The following GPC5 variants were observed in gnomAD, a reference collection of about 807,000 sequenced individuals.
The protein encoded by GPC5 is glypican 5, also known as glypican-5.
In GPC5, 47 loss-of-function variants were observed where a neutral mutation model predicts 53.9. The ratio of observed to expected loss-of-function variants is 0.87; its 90% CI spans 0.69 to 1.11. The LOEUF (loss-of-function observed/expected upper bound fraction) is 1.11, where lower values mean the gene tolerates loss of function less well. GPC5 is among the 50% of genes most tolerant of loss of function. The pLI is 0.00. For synonymous variants in GPC5, 286 were observed against 263.3 expected (o/e 1.09, Z -0.84); for missense variants, 748 against 713.1 (o/e 1.05, Z -0.56).
intron 5 of GPC5, among the ~76,000 whole-genome samples, chr13:91,862,441 T>C (rs2138914435): frequency 6.6e-6 from 1 of 152,278 alleles, no homozygotes; most frequent in South Asian, 2.1e-4. Context: ...GGGAAGGTGC[T>C]ACTGTCATTC....
At chr13:91,602,184 C>A (rs2139242495) in intron 2 of GPC5, among the ~76,000 whole-genome samples, 1 of 152,318 alleles carries the variant, frequency 6.6e-6, no homozygotes, top group Admixed American at 6.5e-5. Context: ...CAGCACCGTT[C>A]CGGGCTTTGC....
intron 6 of GPC5, among the ~76,000 whole-genome samples, chr13:92,012,037 T>C (rs2040666211): frequency 6.6e-6 from 1 of 152,184 alleles, no homozygotes; most frequent in Admixed American, 6.5e-5. Context: ...CCTGTCACAG[T>C]TGGGTAATTC....
intron 2 of GPC5, among the ~76,000 whole-genome samples, chr13:91,589,995 C>A (rs770193530): frequency 3.3e-5 from 5 of 151,974 alleles, no homozygotes; most frequent in Non-Finnish European, 7.4e-5. Flanking sequence ...TTAAAACTTT[C>A]TTTAAAAAGT....
At chr13:92,763,376 ATGTT>A (rs58213882) in intron 7 of GPC5, among the ~76,000 whole-genome samples, 77,340 of 151,642 alleles carry the variant, frequency 0.51, 20,525 homozygotes, top group East Asian at 0.9. Context: ...GCTTTGGTCA[ATGTT>A]TGTTAGCATG....
chr13:91,856,908 T>G (rs1352697422), intron 5 of GPC5, among the ~76,000 whole-genome samples: 1 of 151,318 alleles, frequency 6.6e-6, no homozygotes, highest in Non-Finnish European at 1.5e-5. Context: ...ACACCTAAAT[T>G]TATTGTATAC....
intron 2 of GPC5, among the ~76,000 whole-genome samples, chr13:91,526,462 G>A (rs1886091383): frequency 6.6e-6 from 1 of 152,152 alleles, no homozygotes; most frequent in Admixed American, 6.5e-5. Context: ...AGAAAAAACA[G>A]GTATCAGAAG....
intron 7 of GPC5, among the ~76,000 whole-genome samples, chr13:92,558,562 C>T (rs1882581299): frequency 6.6e-6 from 1 of 151,882 alleles, no homozygotes; most frequent in Admixed American, 6.6e-5. Context: ...CATATTTGCA[C>T]CTTTTTAAAA....
chr13:91,812,651 C>T (rs2138808189), intron 5 of GPC5, among the ~76,000 whole-genome samples: 1 of 152,270 alleles, frequency 6.6e-6, no homozygotes, highest in East Asian at 1.9e-4. Context: ...GTATATTCTT[C>T]AGTATTTCAC....
At position 91,724,041 on chromosome 13, in the gene GPC5, C is replaced by G. The variant is rs549442847; in HGVS notation, c.1021-4491C>G. On this transcript the variant is annotated intron_variant, in intron 3 of 7. Transcript: ENST00000377067. ...AGATTTTACCCCTAAAATCAGCCAG[C>G]AATTTTAGAAACTAGTTCTCAGAAT... 1.1e-3 allele frequency among the ~76,000 whole-genome samples: 161 copies of G among 152,208 alleles called. 1 individual carries two copies. Among genetic ancestry groups the G allele is most frequent in the Admixed American group, 3.1e-3 (48 of 15,284 alleles).
At position 91,426,036 on chromosome 13, in the gene GPC5, A is replaced by G. The variant is rs770991380; in HGVS notation, c.164-22725A>G. ...ATCTGTGGAACTTTGAACTTGAGAG[A>G]GATGATCTGAAATTGAAACTTATCT... On this transcript the variant is annotated intron_variant, in intron 1 of 7. Transcript: ENST00000377067. 1.3e-3 allele frequency among the ~76,000 whole-genome samples: 202 copies of G among 152,224 alleles called. 1 individual carries two copies. Among genetic ancestry groups the G allele is most frequent in the Non-Finnish European group, 2.5e-3 (173 of 68,008 alleles).
chr13:92,866,563 AC>A lies in GPC5; in HGVS notation c.*125del. 3 of 798,388 alleles carry A rather than the reference AC, an allele frequency of 3.8e-6. No individual in the cohort carries two copies. The highest frequency in any genetic ancestry group is 5.5e-6 in the Non-Finnish European group (3 of 544,618). The allele number at this position is 798,388 out of a possible 1,614,324, so 49.5% of individuals were successfully genotyped here. A position where few individuals can be genotyped will look rare whatever the true frequency, so the allele number is the denominator to read the frequency against. On this transcript the variant is annotated 3_prime_UTR_variant, in exon 8 of 8. Transcript: ENST00000377067. ...ATTTATGAAAAGATATGTTACACTA[AC>A]TTCTCAGAAGCCAAGCTGAAATATT...
At chr13:92,349,444 A>G (rs2043456168) in intron 7 of GPC5, among the ~76,000 whole-genome samples, 1 of 126,142 alleles carries the variant, frequency 7.9e-6, no homozygotes, top group African/African-American at 3.6e-5. Flanking sequence ...GCACCCAGCC[A>G]GGTTTTTTCT....
intron 6 of GPC5, among the ~76,000 whole-genome samples, chr13:92,089,019 G>A (rs2041356917): frequency 6.6e-6 from 1 of 152,174 alleles, no homozygotes; most frequent in African/African-American, 2.4e-5. Flanking sequence ...CTAGAAAAAT[G>A]TCACTGGCCA....
intron 2 of GPC5, among the ~76,000 whole-genome samples, chr13:91,678,738 T>C (rs959876350): frequency 1.1e-5 from 1 of 89,788 alleles, no homozygotes; most frequent in African/African-American, 7.5e-5. Flanking sequence ...GGAGTTTTTG[T>C]TTTTTTTTTT....
intron 7 of GPC5, among the ~76,000 whole-genome samples, chr13:92,784,859 T>TATTA (rs1876158772): frequency 6.6e-6 from 1 of 152,210 alleles, no homozygotes; most frequent in South Asian, 2.1e-4. Context: ...CCCAAACCAT[T>TATTA]ATTATCTAAA....
chr13:91,687,460 G>A lies in GPC5; in HGVS notation c.326-5727G>A, dbSNP rs9589334. On this transcript the variant is annotated intron_variant, in intron 2 of 7. Coordinates refer to ENST00000377067, the MANE Select transcript of GPC5 (RefSeq NM_004466.6). Reference sequence around the variant, plus strand: ...TTAAGATTAACGGAATGTTAATGTCGAAAATGGAAATAGATGCAGATAAAC... The same window carrying A: ...TTAAGATTAACGGAATGTTAATGTCAAAAATGGAAATAGATGCAGATAAAC... 5.3e-3 allele frequency among the ~76,000 whole-genome samples: 800 copies of A among 152,046 alleles called. 12 individuals are homozygous for A. The highest frequency in any genetic ancestry group is 0.035 in the South Asian group (167 of 4,824).
At chr13:92,571,687 A>T (rs961801332) in intron 7 of GPC5, among the ~76,000 whole-genome samples, 13 of 152,212 alleles carry the variant, frequency 8.5e-5, no homozygotes, top group Admixed American at 3.3e-4. Flanking sequence ...TAAAATATAA[A>T]TATGAAACTG....
At position 91,448,767 on chromosome 13, in the gene GPC5, A is replaced by T. The variant is rs190244359; in HGVS notation, c.170A>T (p.Asp57Val). The T allele has an allele frequency of 3.3e-5, 53 of 1,612,294 alleles. No individual in the cohort carries two copies. Among genetic ancestry groups the T allele is most frequent in the Admixed American group, 3.0e-4 (18 of 59,554 alleles). The change falls in exon 2 of 8, where the codon GAT becomes GTT. Residue 57 changes from aspartate (D) to valine (V), a missense_variant. Asp to Val is a radical substitution (Grantham distance 152, BLOSUM62 -3). Transcript: ENST00000377067. ...GLPDSPRAGPDLQVCISKKPT... is the reference protein window; with the variant it reads ...GLPDSPRAGPVLQVCISKKPT... ...AAAATGTTGTGTGTTCCAGGACCTG[A>T]TCTTCAGGTTTGCATATCCAAAAAG...
intron 1 of GPC5, among the ~76,000 whole-genome samples, chr13:91,425,825 A>G (rs1435757228): frequency 6.6e-6 from 1 of 152,194 alleles, no homozygotes; most frequent in Admixed American, 6.5e-5. Context: ...TCAGAAGAAG[A>G]CAGGAAGATG....
Sources: allele counts gnomAD v4.1 joint callset (sites outside exome capture counted in the v4.1 genomes callset), GRCh38; gene constraint gnomAD v4.1.1; transcripts MANE v1.5; gene names NCBI Gene and HGNC (gene_info 2026-07-23, HGNC 2026-07-21).